SIL1: variants seen among roughly 807,000 people sequenced by gnomAD.
SIL1 encodes the protein nucleotide exchange factor SIL1.
A neutral mutation model predicts 49.1 loss-of-function variants in SIL1; 40 were observed. That is an observed-to-expected ratio of 0.81 (90% CI 0.63 to 1.06). The LOEUF is 1.06. Ranked by LOEUF, SIL1 falls within the 50% of genes least tolerant of loss-of-function variation. SIL1 has a pLI of 0.00. For synonymous variants in SIL1, 253 were observed against 250.8 expected, an observed-to-expected ratio of 1.01 and a Z score of -0.08; for missense variants, 500 against 572.6, an observed-to-expected ratio of 0.87 and a Z score of 1.29.
intron 3 of SIL1, among the ~76,000 whole-genome samples, chr5:139,052,949 T>C (rs942165704): frequency 1.3e-5 from 2 of 152,128 alleles, no homozygotes; most frequent in Admixed American, 1.3e-4. Context: ...ATTCCTAGGA[T>C]GGGAAAATAT....
chr5:139,011,226 C>T (rs1768261920), intron 7 of SIL1, among the ~76,000 whole-genome samples: 1 of 151,374 alleles, frequency 6.6e-6, no homozygotes, highest in Non-Finnish European at 1.5e-5. Context: ...ACCCGATTTT[C>T]CAGGTGCGTC....
rs1581166133 is a variant in SIL1, at chr5:139,198,315, A to C, written c.-57T>G. On this transcript the variant is annotated 5_prime_UTR_variant, in exon 1 of 10. Coordinates refer to ENST00000394817, the MANE Select transcript of SIL1 (RefSeq NM_022464.5). ...TGGCAGACACAACTCCCACAATTCC[A>C]GGCGGCCGCGGCGGCGACCAGCTCC... 1.3e-5 allele frequency: 2 copies of C among 152,090 alleles called. No homozygotes were observed. The highest frequency in any genetic ancestry group is 6.5e-5 in the Admixed American group (1 of 15,286). The allele number at this position is 152,090 out of a possible 1,614,324, so 9.4% of individuals were successfully genotyped here.
chr5:139,163,373 G>GT (rs1331581039), intron 1 of SIL1, among the ~76,000 whole-genome samples: 1 of 151,032 alleles, frequency 6.6e-6, no homozygotes, highest in African/African-American at 2.4e-5. Context: ...TTTTTTTTCG[G>GT]TTTTTTCTTT....
intron 7 of SIL1, among the ~76,000 whole-genome samples, chr5:138,983,063 G>A (rs879520695): frequency 5.3e-5 from 8 of 151,812 alleles, no homozygotes; most frequent in African/African-American, 1.5e-4. Context: ...CAGGCATGGC[G>A]GCTTGCACCT....
At chr5:139,131,300 C>A (rs1398193321) in intron 1 of SIL1, among the ~76,000 whole-genome samples, 2 of 152,074 alleles carry the variant, frequency 1.3e-5, no homozygotes, top group Non-Finnish European at 2.9e-5. Context: ...TTTCTCTATC[C>A]CACTCCTGCC....
At chr5:139,169,873 G>A (rs1397127598) in intron 1 of SIL1, among the ~76,000 whole-genome samples, 1 of 150,962 alleles carries the variant, frequency 6.6e-6, no homozygotes, top group African/African-American at 2.4e-5. Flanking sequence ...CTCTTTCCAC[G>A]GTCTCCCTCT....
chr5:139,133,158 T>C (rs947842906), intron 1 of SIL1, among the ~76,000 whole-genome samples: 1 of 152,138 alleles, frequency 6.6e-6, no homozygotes, highest in African/African-American at 2.4e-5. Context: ...TAAAATACCA[T>C]CACTCTGTCC....
intron 3 of SIL1, among the ~76,000 whole-genome samples, chr5:139,107,145 T>C (rs1770731924): frequency 6.6e-6 from 1 of 152,156 alleles, no homozygotes; most frequent in Non-Finnish European, 1.5e-5. Context: ...ATCTGACCAA[T>C]TATCTGCCTA....
At chr5:139,002,883 C>T (rs1036019496) in intron 7 of SIL1, among the ~76,000 whole-genome samples, 1 of 152,210 alleles carries the variant, frequency 6.6e-6, no homozygotes, top group Non-Finnish European at 1.5e-5. Flanking sequence ...ACAACCTCCA[C>T]AGTTCTTCAA....
chr5:139,140,441 G>A (rs1751058182), intron 1 of SIL1, among the ~76,000 whole-genome samples: 1 of 152,160 alleles, frequency 6.6e-6, no homozygotes, highest in South Asian at 2.1e-4. Context: ...TACCATGTTG[G>A]TATCAACTAT....
At chr5:139,036,280 G>C (rs995734622) in intron 5 of SIL1, among the ~76,000 whole-genome samples, 2 of 152,084 alleles carry the variant, frequency 1.3e-5, no homozygotes, top group Non-Finnish European at 2.9e-5. Flanking sequence ...GGTTTTCATA[G>C]TTTTAGGTTA....
rs549310791 is a variant in SIL1 at position 139,148,171 on chromosome 5, T to C, written c.-10-20318A>G. Among the ~76,000 whole-genome samples the C allele has an allele frequency of 7.2e-5, 11 of 151,770 alleles. No homozygotes were observed. In the South Asian group the frequency reaches 2.3e-3, roughly 32 times the overall value. ...GTTACTTTTCCCATCTGGTATCTGT[T>C]CTCTTTAAGAGTGGTATATCACAAA... On this transcript the variant is annotated intron_variant, in intron 1 of 9. Transcript: ENST00000394817.
intron 1 of SIL1, among the ~76,000 whole-genome samples, chr5:139,171,466 G>A (rs1270591183): frequency 1.3e-5 from 2 of 152,168 alleles, no homozygotes; most frequent in African/African-American, 4.8e-5. Context: ...TAAGGGTGGT[G>A]CAAGATGTGC....
chr5:139,066,383 G>A (rs1032182939), intron 3 of SIL1, among the ~76,000 whole-genome samples: 7 of 151,556 alleles, frequency 4.6e-5, no homozygotes, highest in Non-Finnish European at 7.4e-5. Flanking sequence ...TTGAGATGGA[G>A]TCTTGCTCTG....
chr5:139,095,085 G>A lies in SIL1; in HGVS notation c.244+25950C>T, dbSNP rs1770425739. Among the ~76,000 whole-genome samples the A allele has an allele frequency of 2.6e-5, 4 of 152,190 alleles. No individual in the cohort carries two copies. In the South Asian group the frequency reaches 8.3e-4, roughly 32 times the overall value. On this transcript the variant is annotated intron_variant, in intron 3 of 9. Coordinates refer to ENST00000394817, the MANE Select transcript of SIL1 (RefSeq NM_022464.5). ...TGACAACACTGGTGATATTACCCTG[G>A]CTCACTTGATACCCTTGATCACAGG...
chr5:139,091,489 GAT>G (rs1770341324), intron 3 of SIL1, among the ~76,000 whole-genome samples: 1 of 152,266 alleles, frequency 6.6e-6, no homozygotes, highest in Non-Finnish European at 1.5e-5. Flanking sequence ...ACATGACAAA[GAT>G]AAAATAAAAC....
At chr5:139,008,847 T>C (rs1269943003) in intron 7 of SIL1, among the ~76,000 whole-genome samples, 3 of 152,206 alleles carry the variant, frequency 2.0e-5, no homozygotes, top group African/African-American at 7.2e-5. Context: ...TAACTTCTGT[T>C]CTTTTACATT....
At chr5:139,191,728 T>C (rs1246675853) in intron 1 of SIL1, among the ~76,000 whole-genome samples, 1 of 150,872 alleles carries the variant, frequency 6.6e-6, no homozygotes. Context: ...GAGTTGGAGG[T>C]TGCAATGAGC....
At chr5:139,105,141 A>G (rs1770672416) in intron 3 of SIL1, among the ~76,000 whole-genome samples, 1 of 152,038 alleles carries the variant, frequency 6.6e-6, no homozygotes. Context: ...TCATGTTATG[A>G]ATCTCCTTTT....
Sources: allele counts gnomAD v4.1 joint callset (sites outside exome capture counted in the v4.1 genomes callset), GRCh38; gene constraint gnomAD v4.1.1; transcripts MANE v1.5; gene names NCBI Gene and HGNC (gene_info 2026-07-23, HGNC 2026-07-21).